Variants in DCP2 observed in about 807,000 individuals in gnomAD.
DCP2 encodes the protein decapping mRNA 2.
A neutral mutation model predicts 56.1 loss-of-function variants in DCP2; 30 were observed. The ratio of observed to expected loss-of-function variants is 0.53; its 90% CI spans 0.40 to 0.73. The LOEUF is 0.73. Ranked by LOEUF, DCP2 falls within the 30% of genes least tolerant of loss-of-function variation. The pLI, the probability that DCP2 is intolerant of heterozygous loss-of-function variation, is 0.00. For missense variants in DCP2, 533 were observed against 502.7 expected (o/e 1.06, Z -0.58); for synonymous variants, 197 against 163.3 (o/e 1.21, Z -1.57).
intron 8 of DCP2, among the ~76,000 whole-genome samples, chr5:113,005,151 G>GGTGGGTGTGTGT (rs1554101206): frequency 1.3e-5 from 2 of 149,420 alleles, no homozygotes; most frequent in African/African-American, 5.0e-5. Context: ...TGTGCGTGTG[G>GGTGGGTGTGTGT]GTGTGTGTGT....
Position 113,017,028 on chromosome 5 carries a change from A to C in DCP2, c.*3544A>C, listed in dbSNP as rs1041560458. On this transcript the variant is annotated 3_prime_UTR_variant, in exon 11 of 11. Transcript: ENST00000389063. ...TGCTAATTCTGTCTTTTTAGTAGAG[A>C]CGGGGTTTCTCCATGTTGGTCAGGG... 2.0e-5 allele frequency: 3 copies of C among 151,862 alleles called. No homozygotes were observed. The highest frequency in any genetic ancestry group is 4.4e-5 in the Non-Finnish European group (3 of 67,974). The allele number at this position is 151,862 out of a possible 1,614,324, so 9.4% of individuals were successfully genotyped here.
intron 1 of DCP2, among the ~76,000 whole-genome samples, chr5:112,985,278 TCTTTC>T (rs902068751): frequency 2.0e-5 from 3 of 152,160 alleles, no homozygotes; most frequent in East Asian, 1.9e-4. Context: ...AAGAAATATG[TCTTTC>T]CTTTCCCCAA....
intron 1 of DCP2, among the ~76,000 whole-genome samples, chr5:112,982,770 CCTCA>C (rs1748071396): frequency 6.6e-6 from 1 of 152,164 alleles, no homozygotes; most frequent in African/African-American, 2.4e-5. Flanking sequence ...ATCTTTCAAC[CCTCA>C]CTCCTGTTTT....
At position 113,018,822 on chromosome 5, in the gene DCP2, T is replaced by C. The variant is rs1484367701; in HGVS notation, c.*5338T>C. On this transcript the variant is annotated 3_prime_UTR_variant, in exon 11 of 11. Transcript: ENST00000389063. Reference sequence around the variant, plus strand: ...AGAATAATCCATATTTTAAAATTTGTTTCACATCTTTATAGCAAACCTGCC... The same window carrying C: ...AGAATAATCCATATTTTAAAATTTGCTTCACATCTTTATAGCAAACCTGCC... 8 of 152,222 alleles carry C rather than the reference T, an allele frequency of 5.3e-5. No homozygotes were observed. The highest frequency in any genetic ancestry group is 8.8e-5 in the Non-Finnish European group (6 of 68,044). 9.4% of individuals were successfully genotyped at this position (152,222 alleles called of 1,614,324 possible).
At chr5:112,978,994 C>A (rs1303647717) in intron 1 of DCP2, among the ~76,000 whole-genome samples, 1 of 152,130 alleles carries the variant, frequency 6.6e-6, no homozygotes, top group Admixed American at 6.5e-5. Context: ...AGGATTACAT[C>A]ATTTAAATAA....
At chr5:113,003,290 C>A (rs993769387) in intron 7 of DCP2, among the ~76,000 whole-genome samples, 1 of 152,192 alleles carries the variant, frequency 6.6e-6, no homozygotes, top group Non-Finnish European at 1.5e-5. Flanking sequence ...CAGAAGAATT[C>A]GAGACTGGAT....
chr5:113,013,067 G>A (rs546213261), intron 10 of DCP2, among the ~76,000 whole-genome samples: 3 of 152,282 alleles, frequency 2.0e-5, no homozygotes, highest in Admixed American at 6.5e-5. Flanking sequence ...CATTTTGAAA[G>A]CAAAGGAATG....
At chr5:112,996,653 G>A (rs977836545) in intron 4 of DCP2, among the ~76,000 whole-genome samples, 8 of 152,214 alleles carry the variant, frequency 5.3e-5, no homozygotes, top group Non-Finnish European at 1.0e-4. Flanking sequence ...AAGCTACTTA[G>A]GGAGAAGGTG....
chr5:112,992,014 G>C, intron 2 of DCP2, 107 bp from the exon 3 acceptor site: 2 of 1,482,954 alleles, frequency 1.3e-6, no homozygotes, highest in Non-Finnish European at 1.8e-6. Context: ...GGGAAGATTT[G>C]AATAATTTCA....
intron 8 of DCP2, among the ~76,000 whole-genome samples, chr5:113,005,334 A>C (rs945008518): frequency 6.6e-6 from 1 of 152,224 alleles, no homozygotes; most frequent in African/African-American, 2.4e-5. Flanking sequence ...CAACAATCTA[A>C]TTTAAAACTG....
At chr5:112,979,788 A>G (rs986777666) in intron 1 of DCP2, among the ~76,000 whole-genome samples, 2 of 152,220 alleles carry the variant, frequency 1.3e-5, no homozygotes, top group Non-Finnish European at 2.9e-5. Context: ...CAATTAGCAC[A>G]CAGTAAACTG....
intron 8 of DCP2, among the ~76,000 whole-genome samples, chr5:113,006,357 G>A (rs1166527843): frequency 1.3e-5 from 2 of 152,110 alleles, no homozygotes; most frequent in Non-Finnish European, 2.9e-5. Flanking sequence ...ATAAAAGTTG[G>A]GGAAGTGGGT....
chr5:112,977,083 G>A (rs1310566941), intron 1 of DCP2, 97 bp downstream of exon 1: 2 of 929,934 alleles, frequency 2.2e-6, no homozygotes, highest in Non-Finnish European at 3.1e-6. Flanking sequence ...CCACGTCCAT[G>A]TCCTCGCTTT....
intron 1 of DCP2, chr5:112,984,704 ATAT>A (rs1387960410): frequency 1.6e-4 from 14 of 89,044 alleles, no homozygotes; most frequent in Non-Finnish European, 2.3e-4. Flanking sequence ...AAAAAAAAAA[ATAT>A]ATATATATAT....
At position 112,976,885 on chromosome 5, in the gene DCP2, C is replaced by T. The variant is rs777540896; in HGVS notation, c.-49C>T. On this transcript the variant is annotated 5_prime_UTR_variant, in exon 1 of 11. Coordinates refer to ENST00000389063, the MANE Select transcript of DCP2 (RefSeq NM_152624.6). ...GAGTCCTAGTGCCGTACCGTCAGTC[C>T]CCGGCCGCGCGGAGCCGGGATGCAC... 4.4e-6 allele frequency: 7 copies of T among 1,604,822 alleles called. No individual in the cohort carries two copies. The highest frequency in any genetic ancestry group is 1.6e-4 in the Middle Eastern group (1 of 6,078).
chr5:113,010,633 T>C (rs1211557352), intron 9 of DCP2, 123 bp from the exon 10 acceptor site: 22 of 1,112,402 alleles, frequency 2.0e-5, no homozygotes, highest in Non-Finnish European at 2.4e-5. Context: ...ATGATGATTA[T>C]ATTCCTGGTT....
At chr5:112,978,207 C>T (rs1358719415) in intron 1 of DCP2, among the ~76,000 whole-genome samples, 2 of 152,158 alleles carry the variant, frequency 1.3e-5, no homozygotes, top group East Asian at 3.8e-4. Context: ...GAACTTCTGA[C>T]CTCGTGATCC....
At chr5:112,993,055 T>A (rs1284281163) in intron 4 of DCP2, among the ~76,000 whole-genome samples, 2 of 152,156 alleles carry the variant, frequency 1.3e-5, no homozygotes, top group Non-Finnish European at 2.9e-5. Flanking sequence ...GAATTAGATT[T>A]CCTATTGGTA....
At chr5:113,004,999 C>G (rs928839600) in intron 8 of DCP2, among the ~76,000 whole-genome samples, 5 of 151,864 alleles carry the variant, frequency 3.3e-5, no homozygotes, top group African/African-American at 9.7e-5. Flanking sequence ...GTGGCGGGCT[C>G]CTGTAATCCC....
Sources: gnomAD v4.1 joint callset for allele counts (sites outside exome capture counted in the v4.1 genomes callset) on GRCh38, gnomAD v4.1.1 for gene constraint, MANE v1.5 for transcripts, NCBI Gene and HGNC (gene_info 2026-07-23, HGNC 2026-07-21) for gene names.